Variants in ZNF771 observed in about 807,000 individuals in gnomAD.
ZNF771 encodes mesenchymal stem cell protein DSC43.
In ZNF771, 10 loss-of-function variants were observed where a neutral mutation model predicts 27.6. That is an observed-to-expected ratio of 0.36 (90% CI 0.22 to 0.61). The LOEUF is 0.61. Ranked by LOEUF, ZNF771 falls within the 20% of genes least tolerant of loss-of-function variation. ZNF771 has a pLI of 0.70. For synonymous variants in ZNF771, 261 were observed against 225.2 expected (o/e 1.16, Z -1.43); for missense variants, 438 against 503.7 (o/e 0.87, Z 1.25).
At position 30,418,045 on chromosome 16, in the gene ZNF771, G is replaced by T; in HGVS notation, c.632G>T (p.Arg211Leu). 1 of 1,452,744 alleles carries T rather than the reference G, an allele frequency of 6.9e-7. No homozygotes were observed. Among genetic ancestry groups the T allele is most frequent in the South Asian group, 1.4e-5 (1 of 72,564 alleles). 90.0% of individuals were successfully genotyped at this position (1,452,744 alleles called of 1,614,324 possible). The change falls in exon 3 of 3, where the codon CGC (arginine) becomes CTC (leucine). Residue 211 changes from arginine to leucine, a missense_variant. Arg to Leu is a moderately radical substitution (Grantham distance 102). This residue lies in a region of ZNF771 where 305 missense variants were observed against 308.0 expected (regional missense o/e 0.99). Transcript: ENST00000319296. ...RPYACADCGT[R>L]FAQSSALAKH... ...TACGCTTGCGCCGACTGCGGCACGC[G>T]CTTCGCTCAGAGCTCGGCGCTGGCC...
In ZNF771 at chr16:30,418,443, CTCCGG is replaced by C; in HGVS notation, c.*77_*81del. ...AACCCAGGCTCCTCCTCGCCCCGGCCTCCGGGTCTGGGAAATTGAGGGGACGGCAG... is the reference window on the plus strand; with the variant it reads ...AACCCAGGCTCCTCCTCGCCCCGGCCGTCTGGGAAATTGAGGGGACGGCAG... On this transcript the variant is annotated 3_prime_UTR_variant, in exon 3 of 3. Transcript: ENST00000319296. The C allele has an allele frequency of 5.3e-6, 7 of 1,324,692 alleles. No individual in the cohort carries two copies. The highest frequency in any genetic ancestry group is 6.8e-6 in the Non-Finnish European group (7 of 1,031,378). 82.1% of individuals were successfully genotyped at this position (1,324,692 alleles called of 1,614,324 possible).
At chr16:30,407,964 T>G in intron 1 of ZNF771, 81 bp from the exon 2 acceptor site, 2 of 1,016,916 alleles carry the variant, frequency 2.0e-6, no homozygotes, top group Non-Finnish European at 2.7e-6. Context: ...TGCACTGCCT[T>G]GCTGGGCCAG....
rs2050153013 is a variant in ZNF771, at chr16:30,418,928, C to G, written c.*561C>G. On this transcript the variant is annotated 3_prime_UTR_variant, in exon 3 of 3. Coordinates refer to ENST00000319296, the MANE Select transcript of ZNF771 (RefSeq NM_001142305.2). ...AATAACACTACGTTAAAGGTTTTAA[C>G]TGCTTTGTTATGTAAGCTTACCCAG... 6.6e-6 allele frequency: 1 copy of G among 152,608 alleles called. No individual in the cohort carries two copies. Among genetic ancestry groups the G allele is most frequent in the African/African-American group, 2.4e-5 (1 of 41,470 alleles). The allele number at this position is 152,608 out of a possible 1,614,324, so 9.5% of individuals were successfully genotyped here. A position where few individuals can be genotyped will look rare whatever the true frequency, so the allele number is the denominator to read the frequency against.
chr16:30,418,478 G>A lies in ZNF771; in HGVS notation c.*111G>A. On this transcript the variant is annotated 3_prime_UTR_variant, in exon 3 of 3. Coordinates refer to ENST00000319296, the MANE Select transcript of ZNF771 (RefSeq NM_001142305.2). ...GGGAAATTGAGGGGACGGCAGGCCC[G>A]GCTGCCCTGGAACTGGGAGACAGGG... 1.8e-6 allele frequency: 2 copies of A among 1,142,510 alleles called. No individual in the cohort carries two copies. Among genetic ancestry groups the A allele is most frequent in the Non-Finnish European group, 2.3e-6 (2 of 864,630 alleles). 70.8% of individuals were successfully genotyped at this position (1,142,510 alleles called of 1,614,324 possible).
chr16:30,410,105 CTTTT>C (rs912511119), intron 2 of ZNF771, among the ~76,000 whole-genome samples: 1 of 143,212 alleles, frequency 7.0e-6, no homozygotes, highest in African/African-American at 2.6e-5. Context: ...GATTTTTCAA[CTTTT>C]TTTTTTTTTT....
chr16:30,418,033 A>G lies in ZNF771; in HGVS notation c.620A>G (p.Asp207Gly). 1 of 1,448,076 alleles carries G rather than the reference A, an allele frequency of 6.9e-7. No individual in the cohort carries two copies. 89.7% of individuals were successfully genotyped at this position (1,448,076 alleles called of 1,614,324 possible). The change falls in exon 3 of 3, where the codon GAC becomes GGC. Residue 207 changes from aspartate (D) to glycine (G), a missense_variant. This residue lies in a region of ZNF771 where 305 missense variants were observed against 308.0 expected (regional missense o/e 0.99). Transcript: ENST00000319296. ...HTGERPYACA[D>G]CGTRFAQSSA... ...GGCGAGCGGCCCTACGCTTGCGCCG[A>G]CTGCGGCACGCGCTTCGCTCAGAGC...
At chr16:30,414,946 CTTTTTTTTTTTT>C (rs71149016) in intron 2 of ZNF771, among the ~76,000 whole-genome samples, 22 of 59,448 alleles carry the variant, frequency 3.7e-4, no homozygotes, top group African/African-American at 1.5e-3. Flanking sequence ...CGCCCGGCCT[CTTTTTTTTTTTT>C]TTTTTTTTTT....
Position 30,417,833 on chromosome 16 carries a change from G to A in ZNF771, c.420G>A (p.Arg140=). 6.7e-7 allele frequency: 1 copy of A among 1,499,940 alleles called. No individual in the cohort carries two copies. Among genetic ancestry groups the A allele is most frequent in the Non-Finnish European group, 8.8e-7 (1 of 1,132,862 alleles). 92.9% of individuals were successfully genotyped at this position (1,499,940 alleles called of 1,614,324 possible). Residue 140 remains arginine (R), a synonymous_variant, in exon 3 of 3, where the codon CGG becomes CGA. Coordinates refer to ENST00000319296, the MANE Select transcript of ZNF771 (RefSeq NM_001142305.2). The part of the protein sequence containing the change: ...AASNLRQHRR[R]HTGEKPYACA... Reference sequence around the variant, plus strand: ...CGAACCTGCGGCAGCACCGGCGGCGGCACACGGGCGAGAAGCCGTACGCAT... The same window carrying A: ...CGAACCTGCGGCAGCACCGGCGGCGACACACGGGCGAGAAGCCGTACGCAT...
chr16:30,407,978 C>A, intron 1 of ZNF771, 67 bp from the exon 2 acceptor site: 1 of 1,144,552 alleles, frequency 8.7e-7, no homozygotes, highest in Non-Finnish European at 1.1e-6. Context: ...GGGCCAGGGC[C>A]ACGGTGGGCG....
rs1312696050 is a variant in ZNF771, at chr16:30,407,661, G to A, written c.-13G>A. On this transcript the variant is annotated 5_prime_UTR_variant, in exon 1 of 3. Transcript: ENST00000319296. ...GGGCACCGCGAGTGCCGAACCTTCGGCTGGTGAGTGCGCACCCCCTCCCCG... is the reference window on the plus strand; with the variant it reads ...GGGCACCGCGAGTGCCGAACCTTCGACTGGTGAGTGCGCACCCCCTCCCCG... The A allele has an allele frequency of 1.2e-5, 2 of 161,686 alleles. No individual in the cohort carries two copies. The highest frequency in any genetic ancestry group is 2.7e-5 in the Non-Finnish European group (2 of 73,966). The allele number at this position is 161,686 out of a possible 1,614,324, so 10.0% of individuals were successfully genotyped here. A position where few individuals can be genotyped will look rare whatever the true frequency, so the allele number is the denominator to read the frequency against.
rs1379580120 is a variant in ZNF771, at chr16:30,418,165, G to C, written c.752G>C (p.Arg251Pro). ...CGCTCCAACCTGGCGGAGCACGCGC[G>C]CACGCACACAGGCGAGCGGCCCTAC... ...GHRSNLAEHARTHTGERPYPC... is the reference protein window; with the variant it reads ...GHRSNLAEHAPTHTGERPYPC... The change falls in exon 3 of 3, where the codon CGC becomes CCC. Residue 251 changes from arginine to proline, a missense_variant. By Grantham distance (103) the Arg-to-Pro change is moderately radical. Around this residue, in one of 3 missense-constraint regions of ZNF771, gnomAD observed 305 missense variants for 308.0 expected, o/e 0.99. Coordinates refer to ENST00000319296, the MANE Select transcript of ZNF771 (RefSeq NM_001142305.2). The C allele has an allele frequency of 6.8e-7, 1 of 1,480,146 alleles. No homozygotes were observed. The highest frequency in any genetic ancestry group is 8.9e-7 in the Non-Finnish European group (1 of 1,121,840). 91.7% of individuals were successfully genotyped at this position (1,480,146 alleles called of 1,614,324 possible). A position where few individuals can be genotyped will look rare whatever the true frequency, so the allele number is the denominator to read the frequency against.
At chr16:30,407,929 AG>A in intron 1 of ZNF771, 115 bp from the exon 2 acceptor site, 1 of 608,372 alleles carries the variant, frequency 1.6e-6, no homozygotes, top group East Asian at 3.3e-5. Flanking sequence ...TTCGGAGACC[AG>A]GGCAGGGCGG....
At chr16:30,415,363 A>G (rs1296885763) in intron 2 of ZNF771, among the ~76,000 whole-genome samples, 1 of 147,454 alleles carries the variant, frequency 6.8e-6, no homozygotes, top group East Asian at 2.0e-4. Flanking sequence ...AGAAGGCCCT[A>G]CTATTTTCTG....
At chr16:30,416,813 AGTG>A (rs1342059040) in intron 2 of ZNF771, among the ~76,000 whole-genome samples, 1 of 151,516 alleles carries the variant, frequency 6.6e-6, no homozygotes, top group Admixed American at 6.6e-5. Context: ...AGCCAGGCAC[AGTG>A]GTATGTGCCT....
chr16:30,417,757 G>C lies in ZNF771; in HGVS notation c.344G>C (p.Gly115Ala). 2.8e-6 allele frequency: 4 copies of C among 1,430,148 alleles called. No homozygotes were observed. The highest frequency in any genetic ancestry group is 3.6e-6 in the Non-Finnish European group (4 of 1,098,282). The allele number at this position is 1,430,148 out of a possible 1,614,324, so 88.6% of individuals were successfully genotyped here. The change falls in exon 3 of 3, where the codon GGC becomes GCC. Residue 115 changes from glycine (G) to alanine (A), a missense_variant. By Grantham distance (60) the Gly-to-Ala change is moderately conservative (BLOSUM62 0). Coordinates refer to ENST00000319296, the MANE Select transcript of ZNF771 (RefSeq NM_001142305.2). The stretch of plus-strand genomic sequence containing the variant: ...ACCAAACACGGCCGCACGCACACGG[G>C]CGAGCGGCCCTACGAGTGCCCCGAG... ...ALTKHGRTHT[G>A]ERPYECPECD...
At chr16:30,415,734 T>A (rs1567441575) in intron 2 of ZNF771, among the ~76,000 whole-genome samples, 1 of 152,190 alleles carries the variant, frequency 6.6e-6, no homozygotes, top group Non-Finnish European at 1.5e-5. Context: ...GGGATGATGA[T>A]AATTACCTCG....
chr16:30,417,530 C>G, intron 2 of ZNF771, 25 bp from the exon 3 acceptor site: 2 of 1,211,586 alleles, frequency 1.7e-6, no homozygotes, highest in East Asian at 3.4e-5. Context: ...CCGCTAAGGG[C>G]TGACCTATCC....
rs1169032834 is a variant in ZNF771 at position 30,418,218 on chromosome 16, C to T, written c.805C>T (p.Arg269Cys). The change falls in exon 3 of 3, where the codon CGC becomes TGC. Residue 269 changes from arginine to cysteine, a missense_variant. Physicochemically the swap from Arg to Cys is radical, Grantham distance 180. This residue lies in a region of ZNF771 where 305 missense variants were observed against 308.0 expected (regional missense o/e 0.99). Transcript: ENST00000319296. The stretch of plus-strand genomic sequence containing the variant: ...CTGCGCCGAGTGCGGCCGCCGCTTC[C>T]GCCTAAGCTCGCACTTCATTCGCCA... The part of the protein sequence containing the change: ...YPCAECGRRF[R>C]LSSHFIRHRR... 1.3e-6 allele frequency: 2 copies of T among 1,509,248 alleles called. No individual in the cohort carries two copies. The highest frequency in any genetic ancestry group is 1.8e-6 in the Non-Finnish European group (2 of 1,135,770). The allele number at this position is 1,509,248 out of a possible 1,614,324, so 93.5% of individuals were successfully genotyped here.
intron 2 of ZNF771, among the ~76,000 whole-genome samples, chr16:30,411,365 T>C (rs2050102873): frequency 6.6e-6 from 1 of 151,716 alleles, no homozygotes; most frequent in Non-Finnish European, 1.5e-5. Context: ...ATTTTCTGTT[T>C]AGAAGAATTA....
Sources: allele counts gnomAD v4.1 joint callset (sites outside exome capture counted in the v4.1 genomes callset), GRCh38; gene constraint gnomAD v4.1.1; regional missense constraint gnomAD v4.1.1; transcripts MANE v1.5; gene names NCBI Gene and HGNC (gene_info 2026-07-23, HGNC 2026-07-21).